KIFAP3: variants seen among roughly 807,000 people sequenced by gnomAD.
KIFAP3 encodes the protein kinesin associated protein 3.
KIFAP3 carries 68 observed loss-of-function variants against 106.5 expected under a neutral mutation model. That is an observed-to-expected ratio of 0.64 (90% CI 0.53 to 0.78). KIFAP3 has a LOEUF of 0.78. KIFAP3 is among the 30% of genes least tolerant of loss of function. The probability of loss-of-function intolerance (pLI) is 0.00; values close to 1 mark genes in which losing one functional copy is unlikely to be tolerated. For missense variants in KIFAP3, 780 were observed against 941.8 expected (o/e 0.83, Z 2.25); for synonymous variants, 320 against 311.5 (o/e 1.03, Z -0.29).
chr1:170,069,071 A>C (rs1189914783), intron 1 of KIFAP3, among the ~76,000 whole-genome samples: 1 of 151,952 alleles, frequency 6.6e-6, no homozygotes, highest in Non-Finnish European at 1.5e-5. Context: ...TTGATGATTA[A>C]AAAATTACAA....
At chr1:170,060,906 G>C (rs146697464) in intron 1 of KIFAP3, among the ~76,000 whole-genome samples, 24,947 of 152,156 alleles carry the variant, frequency 0.16, 2,213 homozygotes, top group Middle Eastern at 0.22. Context: ...AACAAGCAAT[G>C]GGGAAAGGAT....
chr1:170,080,801 T>A (rs1230854066), intron 1 of KIFAP3, among the ~76,000 whole-genome samples: 1 of 152,158 alleles, frequency 6.6e-6, no homozygotes, highest in African/African-American at 2.4e-5. Context: ...TATGCCATTT[T>A]ATCATGTGTG....
At chr1:170,006,362 C>T (rs1050539358) in intron 10 of KIFAP3, among the ~76,000 whole-genome samples, 9 of 152,262 alleles carry the variant, frequency 5.9e-5, no homozygotes, top group Admixed American at 4.6e-4. Flanking sequence ...AAGTGCCATG[C>T]TAATGGTGGT....
At chr1:170,050,630 C>T (rs1218529948) in intron 2 of KIFAP3, among the ~76,000 whole-genome samples, 5 of 152,240 alleles carry the variant, frequency 3.3e-5, no homozygotes, top group Admixed American at 3.3e-4. Flanking sequence ...GCCCGTCAGA[C>T]TAACAGCGGA....
At chr1:170,069,069 T>TA (rs1383546244) in intron 1 of KIFAP3, among the ~76,000 whole-genome samples, 1 of 151,926 alleles carries the variant, frequency 6.6e-6, no homozygotes, top group Non-Finnish European at 1.5e-5. Flanking sequence ...TTTTGATGAT[T>TA]AAAAAATTAC....
At chr1:170,060,347 G>A (rs535011802) in intron 1 of KIFAP3, among the ~76,000 whole-genome samples, 7 of 152,032 alleles carry the variant, frequency 4.6e-5, no homozygotes, top group South Asian at 2.1e-4. Context: ...AAAAATCACA[G>A]GCGTTCCTAT....
intron 8 of KIFAP3, among the ~76,000 whole-genome samples, chr1:170,029,101 A>C (rs1163398971): frequency 6.6e-6 from 1 of 152,148 alleles, no homozygotes; most frequent in Non-Finnish European, 1.5e-5. Context: ...TAACATAAGA[A>C]AAGGTAGATT....
chr1:169,988,759 C>A (rs974203926), intron 11 of KIFAP3, among the ~76,000 whole-genome samples: 2 of 151,938 alleles, frequency 1.3e-5, no homozygotes, highest in Admixed American at 1.3e-4. Flanking sequence ...AAAACCACGT[C>A]AACTTTTCTC....
intron 1 of KIFAP3, among the ~76,000 whole-genome samples, chr1:170,060,680 C>T (rs185596337): frequency 1.0e-3 from 155 of 152,142 alleles, no homozygotes; most frequent in Admixed American, 2.7e-3. Flanking sequence ...CACATGGAAC[C>T]AAAAAACAGC....
intron 10 of KIFAP3, among the ~76,000 whole-genome samples, chr1:170,008,490 A>G (rs1668083020): frequency 6.6e-6 from 1 of 151,856 alleles, no homozygotes; most frequent in East Asian, 1.9e-4. Context: ...AAAAGAAGAC[A>G]TTTATGCAGC....
chr1:169,929,886 G>C (rs1663368724), intron 19 of KIFAP3, among the ~76,000 whole-genome samples: 1 of 151,904 alleles, frequency 6.6e-6, no homozygotes, highest in Admixed American at 6.6e-5. Flanking sequence ...ACAGCACCTT[G>C]GGGAAAAATC....
intron 1 of KIFAP3, chr1:170,068,473 A>G (rs1671552988): frequency 6.6e-6 from 1 of 152,102 alleles, no homozygotes; most frequent in Non-Finnish European, 1.5e-5. Flanking sequence ...GAGCAGAGAG[A>G]GAAAAGAATC....
At chr1:169,954,537 T>C (rs1664905795) in intron 18 of KIFAP3, among the ~76,000 whole-genome samples, 1 of 152,160 alleles carries the variant, frequency 6.6e-6, no homozygotes, top group Non-Finnish European at 1.5e-5. Flanking sequence ...AATACTTTAT[T>C]GTATTTCACA....
intron 10 of KIFAP3, among the ~76,000 whole-genome samples, chr1:170,012,569 A>C: frequency 6.6e-6 from 1 of 152,164 alleles, no homozygotes; most frequent in East Asian, 1.9e-4. Context: ...TTCTGCTATA[A>C]ACTGAATGTC....
chr1:169,999,764 C>T (rs577359597), intron 10 of KIFAP3, among the ~76,000 whole-genome samples: 1 of 152,276 alleles, frequency 6.6e-6, no homozygotes, highest in African/African-American at 2.4e-5. Context: ...AGCCATTCCC[C>T]TCAAATTGGT....
intron 1 of KIFAP3, among the ~76,000 whole-genome samples, chr1:170,066,259 T>C (rs977029940): frequency 3.3e-4 from 50 of 151,944 alleles, no homozygotes; most frequent in African/African-American, 1.2e-3. Context: ...TTTCATAATT[T>C]TTGCTTTCAA....
chr1:170,015,243 T>C (rs553626785), intron 10 of KIFAP3, among the ~76,000 whole-genome samples: 1 of 152,286 alleles, frequency 6.6e-6, no homozygotes, highest in Admixed American at 6.5e-5. Flanking sequence ...AAATAGACTA[T>C]GAATTCCTTC....
chr1:170,059,245 A>C (rs1431163571), intron 1 of KIFAP3, among the ~76,000 whole-genome samples: 1 of 152,216 alleles, frequency 6.6e-6, no homozygotes, highest in East Asian at 1.9e-4. Flanking sequence ...AAGATCAACA[A>C]AACTGATAGA....
chr1:169,975,646 G>A (rs540416047), intron 16 of KIFAP3, among the ~76,000 whole-genome samples: 5 of 151,720 alleles, frequency 3.3e-5, no homozygotes, highest in African/African-American at 1.2e-4. Flanking sequence ...ACAGAGCCTC[G>A]TTCTGTCATC....
Sources: gnomAD v4.1 joint callset for allele counts (sites outside exome capture counted in the v4.1 genomes callset) on GRCh38, gnomAD v4.1.1 for gene constraint, MANE v1.5 for transcripts, NCBI Gene and HGNC (gene_info 2026-07-23, HGNC 2026-07-21) for gene names.